Variants in EFCAB5 observed in about 807,000 individuals in gnomAD.
EFCAB5 encodes the protein EF-hand calcium-binding domain-containing protein 5.
EFCAB5 carries 131 observed loss-of-function variants against 167.9 expected under a neutral mutation model. That is an observed-to-expected ratio of 0.78 (90% CI 0.68 to 0.90). The LOEUF is 0.90. Among genes scored for constraint, EFCAB5 ranks in the 40% least tolerant of loss-of-function variants. The pLI is 0.00. For missense variants in EFCAB5, 1,663 were observed against 1,745.2 expected (o/e 0.95, Z 0.84); for synonymous variants, 574 against 602.8 (o/e 0.95, Z 0.70).
At chr17:30,099,924 C>G (rs2071358958) in intron 22 of EFCAB5, among the ~76,000 whole-genome samples, 1 of 151,978 alleles carries the variant, frequency 6.6e-6, no homozygotes, top group African/African-American at 2.4e-5. Flanking sequence ...GGTGGTGGCC[C>G]TGCCCTCTTT....
At chr17:29,953,066 G>C (rs967045513) in intron 3 of EFCAB5, among the ~76,000 whole-genome samples, 5 of 151,920 alleles carry the variant, frequency 3.3e-5, no homozygotes, top group African/African-American at 1.2e-4. Context: ...AATAAATAAG[G>C]GGCACCCAAA....
At chr17:30,068,569 C>A in intron 14 of EFCAB5, 1 of 909,182 alleles carries the variant, frequency 1.1e-6, no homozygotes, top group Non-Finnish European at 1.6e-6. Context: ...GACCATACTA[C>A]CGCTGTCACC....
At chr17:30,006,589 A>G (rs1419217483) in intron 7 of EFCAB5, among the ~76,000 whole-genome samples, 1 of 152,150 alleles carries the variant, frequency 6.6e-6, no homozygotes, top group African/African-American at 2.4e-5. Context: ...CTACATTACT[A>G]TTTTCTTCCT....
chr17:30,104,012 A>AAAAAG (rs1419201245), intron 22 of EFCAB5, among the ~76,000 whole-genome samples: 2 of 152,228 alleles, frequency 1.3e-5, no homozygotes, highest in African/African-American at 4.8e-5. Context: ...ACTCCATCTA[A>AAAAAG]AAAAGAAAAG....
At chr17:30,077,309 T>C (rs889911213) in intron 14 of EFCAB5, among the ~76,000 whole-genome samples, 2 of 151,984 alleles carry the variant, frequency 1.3e-5, no homozygotes, top group Admixed American at 6.6e-5. Context: ...CTCAAAAAGA[T>C]AAATAAATAA....
At chr17:30,045,709 A>G (rs1193006836) in intron 8 of EFCAB5, among the ~76,000 whole-genome samples, 5 of 151,868 alleles carry the variant, frequency 3.3e-5, no homozygotes, top group African/African-American at 9.7e-5. Flanking sequence ...CAAAAAATAA[A>G]CAAAAATTAC....
intron 7 of EFCAB5, among the ~76,000 whole-genome samples, chr17:30,024,893 A>G (rs949815698): frequency 1.3e-5 from 2 of 151,656 alleles, no homozygotes; most frequent in African/African-American, 4.8e-5. Context: ...ATCTACAACT[A>G]TCTGATCTTT....
At chr17:29,961,599 T>A (rs1235932210) in intron 3 of EFCAB5, among the ~76,000 whole-genome samples, 2 of 152,130 alleles carry the variant, frequency 1.3e-5, no homozygotes, top group Non-Finnish European at 2.9e-5. Context: ...TGTTTGTTTG[T>A]TTTTAGAGAC....
intron 3 of EFCAB5, among the ~76,000 whole-genome samples, chr17:29,949,424 G>A (rs568559775): frequency 6.6e-6 from 1 of 152,288 alleles, no homozygotes; most frequent in African/African-American, 2.4e-5. Flanking sequence ...CTTGATTCTT[G>A]GAAAAGTTTA....
intron 22 of EFCAB5, among the ~76,000 whole-genome samples, chr17:30,107,162 T>C (rs1041620816): frequency 6.6e-6 from 1 of 152,240 alleles, no homozygotes; most frequent in South Asian, 2.1e-4. Flanking sequence ...GCAACTTTTA[T>C]GAATGACAGT....
In EFCAB5 at chr17:29,942,165, G is replaced by A. The variant is rs886993553; in HGVS notation, c.43-75G>A. The A allele has an allele frequency of 6.3e-5, 80 of 1,268,054 alleles. No homozygotes were observed. In the East Asian group the frequency reaches 1.8e-3, roughly 29 times the overall value. 78.6% of individuals were successfully genotyped at this position (1,268,054 alleles called of 1,614,324 possible). ...AATTTTTAAAAATTAAAAGCTTACTGTATTAAAGTATGAGACAGTAGTTTA... is the reference window on the plus strand; with the variant it reads ...AATTTTTAAAAATTAAAAGCTTACTATATTAAAGTATGAGACAGTAGTTTA... On this transcript the variant is annotated intron_variant, in intron 1 of 22. Coordinates refer to ENST00000394835, the MANE Select transcript of EFCAB5 (RefSeq NM_198529.4).
intron 7 of EFCAB5, among the ~76,000 whole-genome samples, chr17:30,019,658 C>T (rs2069127513): frequency 6.6e-6 from 1 of 151,940 alleles, no homozygotes; most frequent in African/African-American, 2.4e-5. Flanking sequence ...ATTGGCCAGG[C>T]CGGTCTTGAA....
intron 4 of EFCAB5, among the ~76,000 whole-genome samples, chr17:29,987,359 T>C (rs2068310406): frequency 6.6e-6 from 1 of 152,190 alleles, no homozygotes; most frequent in Non-Finnish European, 1.5e-5. Context: ...AGGCTTTAGA[T>C]GTCTCGATCG....
chr17:29,958,970 T>G (rs1033389129), intron 3 of EFCAB5, among the ~76,000 whole-genome samples: 2 of 152,158 alleles, frequency 1.3e-5, no homozygotes, highest in East Asian at 1.9e-4. Context: ...TTCTCTTCCC[T>G]TACATCTCCC....
At chr17:30,101,546 T>C (rs1041315674) in intron 22 of EFCAB5, among the ~76,000 whole-genome samples, 7 of 152,158 alleles carry the variant, frequency 4.6e-5, no homozygotes, top group Non-Finnish European at 4.4e-5. Flanking sequence ...GAAGTAGAGA[T>C]GTGACTATGT....
chr17:30,032,721 T>C (rs1179812152), intron 7 of EFCAB5, among the ~76,000 whole-genome samples: 2 of 152,248 alleles, frequency 1.3e-5, no homozygotes, highest in Non-Finnish European at 2.9e-5. Context: ...TTGCCATTTC[T>C]TTGGATCTTC....
At chr17:30,040,924 T>C (rs137961374) in intron 8 of EFCAB5, among the ~76,000 whole-genome samples, 2 of 152,304 alleles carry the variant, frequency 1.3e-5, no homozygotes, top group Non-Finnish European at 2.9e-5. Context: ...CGTAAGCAAC[T>C]TCCTCTCATT....
intron 1 of EFCAB5, among the ~76,000 whole-genome samples, chr17:29,936,196 G>A (rs936940198): frequency 3.3e-5 from 5 of 151,926 alleles, no homozygotes; most frequent in African/African-American, 2.4e-5. Flanking sequence ...CTGAGCAAAC[G>A]ATCGCAAGGA....
intron 22 of EFCAB5, among the ~76,000 whole-genome samples, chr17:30,094,530 A>T (rs1248564878): frequency 2.7e-5 from 4 of 150,046 alleles, no homozygotes; most frequent in East Asian, 1.9e-4. Context: ...AAAAAAAAAA[A>T]AAAATAACTG....
Sources: gnomAD v4.1 joint callset for allele counts (sites outside exome capture counted in the v4.1 genomes callset) on GRCh38, gnomAD v4.1.1 for gene constraint, MANE v1.5 for transcripts, NCBI Gene and HGNC (gene_info 2026-07-23, HGNC 2026-07-21) for gene names.